The following RTTN variants were observed in gnomAD, a reference collection of about 807,000 sequenced individuals.
The protein encoded by RTTN is rotatin.
A neutral mutation model predicts 269.2 loss-of-function variants in RTTN; 182 were observed. That is an observed-to-expected ratio of 0.68 (90% CI 0.60 to 0.76). RTTN has a LOEUF of 0.76. Among genes scored for constraint, RTTN ranks in the 30% least tolerant of loss-of-function variants. The pLI, the probability that RTTN is intolerant of heterozygous loss-of-function variation, is 0.00. For missense variants in RTTN, 2,545 were observed against 2,608.6 expected (o/e 0.98, Z 0.53); for synonymous variants, 1,006 against 963.5 (o/e 1.04, Z -0.82).
intron 42 of RTTN, 36 bp from the exon 43 acceptor site, chr18:70,028,837 C>A (rs1353197245): frequency 1.4e-6 from 2 of 1,386,832 alleles, no homozygotes; most frequent in Non-Finnish European, 2.0e-6. Context: ...ACTGTGAATG[C>A]AACAGCATAC....
rs527706614 is a variant in RTTN at position 70,059,319 on chromosome 18, T to A, written c.4940+531A>T. Among the ~76,000 whole-genome samples the A allele has an allele frequency of 5.9e-5, 9 of 152,338 alleles. No homozygotes were observed. The South Asian group carries it at 1.0e-3, about 18-fold the overall frequency. Reference sequence around the variant, plus strand: ...TCCTAGAAATTCAGAAAAATTATGTTACAGACTGATTAATATCAAATAAGT... The same window carrying A: ...TCCTAGAAATTCAGAAAAATTATGTAACAGACTGATTAATATCAAATAAGT... On this transcript the variant is annotated intron_variant, in intron 36 of 48. Transcript: ENST00000640769.
intron 28 of RTTN, among the ~76,000 whole-genome samples, chr18:70,102,635 G>C (rs1331586525): frequency 6.6e-6 from 1 of 152,076 alleles, no homozygotes; most frequent in Non-Finnish European, 1.5e-5. Context: ...TGGTTATTTT[G>C]CTCGTTAGTT....
chr18:70,066,983 A>G, intron 34 of RTTN, among the ~76,000 whole-genome samples: 1 of 152,220 alleles, frequency 6.6e-6, no homozygotes. Flanking sequence ...TATAACAGTC[A>G]TGATGCCAAG....
intron 11 of RTTN, among the ~76,000 whole-genome samples, chr18:70,175,871 G>A (rs914307708): frequency 6.6e-6 from 1 of 152,114 alleles, no homozygotes; most frequent in Admixed American, 6.6e-5. Context: ...ACTATTGTTT[G>A]TATTCTGTGT....
chr18:70,029,146 C>T (rs2056938013), intron 42 of RTTN, among the ~76,000 whole-genome samples: 1 of 131,806 alleles, frequency 7.6e-6, no homozygotes, highest in African/African-American at 2.7e-5. Flanking sequence ...GGGCCTTTGG[C>T]TAGGGAGGAA....
Position 70,090,125 on chromosome 18 carries a change from C to G in RTTN, c.4144-1978G>C, listed in dbSNP as rs182127627. Among the ~76,000 whole-genome samples the G allele has an allele frequency of 3.2e-3, 483 of 152,236 alleles. 3 individuals carry two copies. The highest frequency in any genetic ancestry group is 5.7e-3 in the Non-Finnish European group (385 of 68,006). ...TCAGCAAAGACATTGCCAGTTTGAA[C>G]TAAAGAGGACAGAGAAAGATGCAGA... On this transcript the variant is annotated intron_variant, in intron 30 of 48. Transcript: ENST00000640769.
At chr18:70,065,435 C>G (rs543614922) in intron 35 of RTTN, among the ~76,000 whole-genome samples, 11 of 152,012 alleles carry the variant, frequency 7.2e-5, no homozygotes, top group Non-Finnish European at 1.6e-4. Flanking sequence ...TTTTATGTGC[C>G]TTTAAATGGA....
At chr18:70,037,074 G>C (rs555795855) in intron 40 of RTTN, among the ~76,000 whole-genome samples, 24 of 152,324 alleles carry the variant, frequency 1.6e-4, no homozygotes, top group African/African-American at 5.8e-4. Context: ...CAACACCCAT[G>C]CATGGAGAGA....
At chr18:70,074,171 T>C (rs184869910) in intron 33 of RTTN, among the ~76,000 whole-genome samples, 177 bp from the exon 34 acceptor site, 2 of 152,180 alleles carry the variant, frequency 1.3e-5, no homozygotes, top group East Asian at 3.9e-4. Flanking sequence ...GAGAGTTTTT[T>C]TTTAATGTGC....
At position 70,092,098 on chromosome 18, in the gene RTTN, C is replaced by T. The variant is rs2058863875; in HGVS notation, c.4143+12G>A. 1 of 1,550,576 alleles carries T rather than the reference C, an allele frequency of 6.4e-7. No homozygotes were observed. The highest frequency in any genetic ancestry group is 1.4e-5 in the African/African-American group (1 of 73,668). On this transcript the variant is annotated intron_variant, in intron 30 of 48. Coordinates refer to ENST00000640769, the MANE Select transcript of RTTN (RefSeq NM_173630.4). ...TCTAAACACAATACACTTGATTCTC[C>T]TTCACACTCACCTCTGGGTCCCGAT...
intron 32 of RTTN, among the ~76,000 whole-genome samples, chr18:70,082,743 C>T (rs8090408): frequency 3.0e-4 from 46 of 152,204 alleles, no homozygotes; most frequent in African/African-American, 1.1e-3. Context: ...CAGGCTGCAG[C>T]ACAGTGACAC....
At chr18:70,179,339 T>C (rs2061369883) in intron 10 of RTTN, among the ~76,000 whole-genome samples, 1 of 152,232 alleles carries the variant, frequency 6.6e-6, no homozygotes, top group Non-Finnish European at 1.5e-5. Context: ...TCTATTTACT[T>C]GTGAAATTGT....
At chr18:70,020,491 T>C in intron 45 of RTTN, 124 bp downstream of exon 45, 1 of 975,904 alleles carries the variant, frequency 1.0e-6, no homozygotes, top group Non-Finnish European at 1.5e-6. Flanking sequence ...AACCCTTTTA[T>C]AATCCTTTAA....
intron 10 of RTTN, among the ~76,000 whole-genome samples, chr18:70,179,315 C>T (rs571326876): frequency 6.6e-6 from 1 of 152,280 alleles, no homozygotes; most frequent in Admixed American, 6.5e-5. Flanking sequence ...GGAACAACAT[C>T]TCTATTATTC....
intron 45 of RTTN, 109 bp from the exon 46 acceptor site, chr18:70,017,783 A>G (rs577005019): frequency 2.5e-6 from 2 of 814,168 alleles, no homozygotes; most frequent in African/African-American, 1.7e-5. Context: ...CTCTACATTA[A>G]TTTCTCCTTT....
Position 70,103,618 on chromosome 18 carries a change from G to A in RTTN, c.3903+5880C>T, listed in dbSNP as rs546028855. Reference sequence around the variant, plus strand: ...TCAAGTACCCAGGGACACAGACACTGCGGAAGGCCACAGGGACCTCTGCCT... The same window carrying A: ...TCAAGTACCCAGGGACACAGACACTACGGAAGGCCACAGGGACCTCTGCCT... On this transcript the variant is annotated intron_variant, in intron 28 of 48. Coordinates refer to ENST00000640769, the MANE Select transcript of RTTN (RefSeq NM_173630.4). 2.3e-3 allele frequency among the ~76,000 whole-genome samples: 350 copies of A among 152,168 alleles called. 1 individual carries two copies. The highest frequency in any genetic ancestry group is 8.1e-3 in the African/African-American group (336 of 41,508).
rs760994390 is a variant in RTTN, at chr18:70,020,740, G to C, written c.6028C>G (p.Leu2010Val). The C allele has an allele frequency of 1.1e-5, 18 of 1,614,068 alleles. No homozygotes were observed. The East Asian group carries it at 4.0e-4, about 36-fold the overall frequency. The change falls in exon 45 of 49, where the codon CTG becomes GTG. Residue 2010 changes from leucine to valine, a missense_variant. By Grantham distance (32) the Leu-to-Val change is conservative. Transcript: ENST00000640769. ...GCCAACTTTAGGATACACAGCATCA[G>C]AGAGTTGCTCACGGCTCCTCTATGT... The part of the protein sequence containing the change: ...ATHRGAVSNS[L>V]MLCILKLASQ...
intron 43 of RTTN, among the ~76,000 whole-genome samples, chr18:70,027,488 T>C (rs2056887261): frequency 6.6e-6 from 1 of 152,248 alleles, no homozygotes; most frequent in Non-Finnish European, 1.5e-5. Context: ...GTGATACAAA[T>C]TGAGCACAAT....
chr18:70,108,914 T>C (rs2059391609), intron 28 of RTTN, among the ~76,000 whole-genome samples: 1 of 152,046 alleles, frequency 6.6e-6, no homozygotes, highest in Non-Finnish European at 1.5e-5. Flanking sequence ...TTAAAGGCTT[T>C]TGTTTTGATA....
Sources: allele counts gnomAD v4.1 joint callset (sites outside exome capture counted in the v4.1 genomes callset), GRCh38; gene constraint gnomAD v4.1.1; transcripts MANE v1.5; gene names NCBI Gene and HGNC (gene_info 2026-07-23, HGNC 2026-07-21).